The following CABLES1 variants were observed in gnomAD, a reference collection of about 807,000 sequenced individuals.
CABLES1 encodes the protein Cdk5 and Abl enzyme substrate 1, also known as CDK5 and ABL1 enzyme substrate 1.
In CABLES1, 36 loss-of-function variants were observed where a neutral mutation model predicts 57.8. The observed-to-expected ratio is 0.62, with a 90% confidence interval of 0.48 to 0.82. The LOEUF is 0.82. CABLES1 is among the 40% of genes least tolerant of loss of function. The pLI, the probability that CABLES1 is intolerant of heterozygous loss-of-function variation, is 0.00. For missense variants in CABLES1, 767 were observed against 836.6 expected (o/e 0.92, Z 1.03); for synonymous variants, 374 against 363.0 (o/e 1.03, Z -0.35).
Position 23,188,842 on chromosome 18 carries a change from C to T in CABLES1, c.850C>T (p.Arg284Cys), listed in dbSNP as rs776912997. ...AFEQLQRSRR[R>C]LISQRSSLET... Reference sequence around the variant, plus strand: ...ATTTTTTCCTTCTTTCTGCAGACGGCGCCTCATCTCCCAGAGATCTTCCTT... The same window carrying T: ...ATTTTTTCCTTCTTTCTGCAGACGGTGCCTCATCTCCCAGAGATCTTCCTT... Residue 284 changes from arginine to cysteine, a missense_variant, in exon 2 of 10, where the codon CGC becomes TGC. Physicochemically the swap from Arg to Cys is radical, Grantham distance 180 (BLOSUM62 -3). Around this residue, in one of 4 missense-constraint regions of CABLES1, gnomAD observed 529 missense variants for 622.8 expected, o/e 0.85. Coordinates refer to ENST00000256925, the MANE Select transcript of CABLES1 (RefSeq NM_001100619.3). The T allele has an allele frequency of 6.2e-6, 10 of 1,613,196 alleles. No homozygotes were observed. Among genetic ancestry groups the T allele is most frequent in the East Asian group, 2.2e-5 (1 of 44,888 alleles).
chr18:23,139,403 C>CAAA (rs61297552), intron 1 of CABLES1, among the ~76,000 whole-genome samples: 26,875 of 110,520 alleles, frequency 0.24, 3,411 homozygotes, highest in African/African-American at 0.4. Flanking sequence ...AACTCCATCT[C>CAAA]AAAAAAAAAA....
chr18:23,154,880 A>G (rs933144042), intron 1 of CABLES1, among the ~76,000 whole-genome samples: 15 of 152,202 alleles, frequency 9.9e-5, no homozygotes, highest in African/African-American at 4.8e-5. Flanking sequence ...GTACTGTTCA[A>G]CACTTGCACT....
At chr18:23,251,093 T>C (rs778169232) in intron 7 of CABLES1, among the ~76,000 whole-genome samples, 4 of 152,220 alleles carry the variant, frequency 2.6e-5, no homozygotes, top group Admixed American at 6.5e-5. Context: ...GCATGAGTCA[T>C]CCAGGGAATC....
intron 9 of CABLES1, among the ~76,000 whole-genome samples, chr18:23,254,408 G>A (rs886540448): frequency 1.3e-5 from 2 of 152,164 alleles, no homozygotes; most frequent in African/African-American, 4.8e-5. Flanking sequence ...AGGAAACATC[G>A]ATCTCCTTGG....
chr18:23,148,986 T>C (rs1482685126), intron 1 of CABLES1, among the ~76,000 whole-genome samples: 1 of 151,488 alleles, frequency 6.6e-6, no homozygotes, highest in East Asian at 2.0e-4. Flanking sequence ...GCCTCCCAGG[T>C]TCAAGCAATC....
intron 4 of CABLES1, among the ~76,000 whole-genome samples, chr18:23,229,241 A>G (rs1223524947): frequency 1.3e-5 from 2 of 152,052 alleles, no homozygotes; most frequent in Non-Finnish European, 1.5e-5. Context: ...GTGAAACCCC[A>G]TCTCTACTAA....
intron 7 of CABLES1, among the ~76,000 whole-genome samples, chr18:23,241,361 T>C (rs2047732429): frequency 6.6e-6 from 1 of 152,018 alleles, no homozygotes; most frequent in Non-Finnish European, 1.5e-5. Context: ...TGAAACTCTG[T>C]CTCTACTAAA....
intron 3 of CABLES1, among the ~76,000 whole-genome samples, chr18:23,200,885 C>A (rs987607375): frequency 6.6e-6 from 1 of 152,240 alleles, no homozygotes; most frequent in Non-Finnish European, 1.5e-5. Flanking sequence ...AGCTGACCAT[C>A]ATCAGCCTGA....
At chr18:23,236,147 A>G (rs1257341114) in intron 6 of CABLES1, 96 bp downstream of exon 6, 1 of 1,347,632 alleles carries the variant, frequency 7.4e-7, no homozygotes, top group East Asian at 2.3e-5. Context: ...AGACTGGAAG[A>G]CAGGGGCTCG....
intron 1 of CABLES1, among the ~76,000 whole-genome samples, chr18:23,180,139 T>C (rs1434853172): frequency 6.6e-6 from 1 of 152,132 alleles, no homozygotes; most frequent in African/African-American, 2.4e-5. Context: ...GCCAGGATGG[T>C]CTCGATCTCC....
rs749331946 is a variant in CABLES1 at position 23,252,951 on chromosome 18, CTGTT to C, written c.1447-8_1447-5del. Reference sequence around the variant, plus strand: ...TAAGGAGTGATCCGTGTTCCCCTGTCTGTTACAGACAACAGTGATTGACTACGTG... The same window carrying C: ...TAAGGAGTGATCCGTGTTCCCCTGTCACAGACAACAGTGATTGACTACGTG... On this transcript the variant is annotated splice_region_variant and splice_polypyrimidine_tract_variant and intron_variant, in intron 7 of 9. Transcript: ENST00000256925. 2.5e-6 allele frequency: 4 copies of C among 1,577,450 alleles called. No homozygotes were observed. The highest frequency in any genetic ancestry group is 3.5e-6 in the Non-Finnish European group (4 of 1,146,748).
chr18:23,228,893 G>A (rs1444953138), intron 4 of CABLES1, among the ~76,000 whole-genome samples: 1 of 152,124 alleles, frequency 6.6e-6, no homozygotes, highest in East Asian at 1.9e-4. Flanking sequence ...CGCTACCCAG[G>A]ACTGTAGAGA....
chr18:23,213,632 T>C (rs2047420469), intron 3 of CABLES1, among the ~76,000 whole-genome samples: 1 of 152,266 alleles, frequency 6.6e-6, no homozygotes, highest in South Asian at 2.1e-4. Flanking sequence ...GTGGCATGAC[T>C]GCTCACCCAG....
chr18:23,141,764 G>C (rs1205702118), intron 1 of CABLES1, among the ~76,000 whole-genome samples: 27 of 152,116 alleles, frequency 1.8e-4, no homozygotes, highest in Admixed American at 1.8e-3. Context: ...GAGCTCAAGG[G>C]TGAGCTTTTG....
At chr18:23,200,514 G>T (rs1373483748) in intron 3 of CABLES1, among the ~76,000 whole-genome samples, 14 of 152,136 alleles carry the variant, frequency 9.2e-5, no homozygotes, top group Non-Finnish European at 2.1e-4. Flanking sequence ...CGCCCGCCTT[G>T]GCCTCCCAAA....
intron 7 of CABLES1, among the ~76,000 whole-genome samples, chr18:23,252,630 C>A (rs140435989): frequency 6.6e-6 from 1 of 152,204 alleles, no homozygotes; most frequent in Admixed American, 6.5e-5. Flanking sequence ...CCAAGCCCCA[C>A]GCGCTTAAGC....
chr18:23,177,287 C>G (rs1190807129), intron 1 of CABLES1, among the ~76,000 whole-genome samples: 1 of 152,126 alleles, frequency 6.6e-6, no homozygotes, highest in Non-Finnish European at 1.5e-5. Flanking sequence ...TGCTCAGCCT[C>G]TGTCTAAGGA....
chr18:23,223,494 C>T (rs923500424), intron 4 of CABLES1, among the ~76,000 whole-genome samples: 5 of 150,574 alleles, frequency 3.3e-5, no homozygotes, highest in African/African-American at 1.2e-4. Flanking sequence ...AGGAGAATCT[C>T]TTGAGCCCGG....
chr18:23,165,288 G>C (rs2047034498), intron 1 of CABLES1, among the ~76,000 whole-genome samples: 1 of 151,882 alleles, frequency 6.6e-6, no homozygotes, highest in Admixed American at 6.6e-5. Context: ...ATAGAGACAG[G>C]GGTCTCACTA....
Sources: gnomAD v4.1 joint callset for allele counts (sites outside exome capture counted in the v4.1 genomes callset) on GRCh38, gnomAD v4.1.1 for gene constraint, gnomAD v4.1.1 regional missense constraint, MANE v1.5 for transcripts, NCBI Gene and HGNC (gene_info 2026-07-23, HGNC 2026-07-21) for gene names.